The following EIF4EBP3 variants were observed in gnomAD, a reference collection of about 807,000 sequenced individuals.
EIF4EBP3 encodes eukaryotic translation initiation factor 4E binding protein 3.
Under a neutral mutation model 12.1 loss-of-function variants are expected in EIF4EBP3, and 11 were observed. That is an observed-to-expected ratio of 0.91 (90% CI 0.57 to 1.51). EIF4EBP3 has a LOEUF of 1.51. Ranked by LOEUF, EIF4EBP3 falls within the 40% of genes most tolerant of loss-of-function variation. EIF4EBP3 has a pLI of 0.00. For synonymous variants in EIF4EBP3, 43 were observed against 54.2 expected (o/e 0.79, Z 0.91); for missense variants, 136 against 131.8 (o/e 1.03, Z -0.16).
At chr5:140,549,106 C>G in intron 2 of EIF4EBP3, 30 bp downstream of exon 2, 1 of 1,613,904 alleles carries the variant, frequency 6.2e-7, no homozygotes, top group Non-Finnish European at 8.5e-7. Context: ...AGAATTGTCC[C>G]AGCCTTTGAG....
intron 1 of EIF4EBP3, among the ~76,000 whole-genome samples, chr5:140,548,686 C>T (rs540479104): frequency 9.8e-5 from 15 of 152,296 alleles, no homozygotes; most frequent in African/African-American, 3.6e-4. Flanking sequence ...GGATGCCCCC[C>T]TTGCTTTATA....
chr5:140,547,701 A>G lies in EIF4EBP3; in HGVS notation c.-37A>G. ...CTCAGAGCTGCGCTCCTCGACCTCA[A>G]CGCCAGGCGGTTACTTTGCTGCTCC... is the stretch of plus-strand genomic sequence containing the variant. On this transcript the variant is annotated 5_prime_UTR_variant, in exon 1 of 3. Coordinates refer to ENST00000310331, the MANE Select transcript of EIF4EBP3 (RefSeq NM_003732.3). 6.5e-7 allele frequency: 1 copy of G among 1,534,110 alleles called. No individual in the cohort carries two copies. The highest frequency in any genetic ancestry group is 1.2e-5 in the South Asian group (1 of 83,518).
chr5:140,549,396 G>A lies in EIF4EBP3; in HGVS notation c.*134G>A. 6.7e-7 allele frequency: 1 copy of A among 1,481,712 alleles called. No homozygotes were observed. Among genetic ancestry groups the A allele is most frequent in the South Asian group, 1.1e-5 (1 of 87,426 alleles). The allele number at this position is 1,481,712 out of a possible 1,614,324, so 91.8% of individuals were successfully genotyped here. On this transcript the variant is annotated 3_prime_UTR_variant, in exon 3 of 3. Transcript: ENST00000310331. ...GAAGGGAGTGACTTGTTAGTTCCAG[G>A]CCTCCTTTAGTTCTGAGGCAGCTAG...
chr5:140,549,146 G>C, intron 2 of EIF4EBP3, 70 bp downstream of exon 2: 3 of 1,614,178 alleles, frequency 1.9e-6, no homozygotes, highest in Non-Finnish European at 2.5e-6. Flanking sequence ...CAGTGCGGGG[G>C]TTCAGTTCCA....
chr5:140,547,758 C>T lies in EIF4EBP3; in HGVS notation c.21C>T (p.Cys7=). Residue 7 remains cysteine (C), a synonymous_variant, in exon 1 of 3, where the codon TGC becomes TGT. Transcript: ENST00000310331. ...TCGCTATGTCAACGTCCACTAGCTG[C>T]CCGATTCCCGGGGGCCGGGACCAGC... MSTSTS[C]PIPGGRDQLP... 6.5e-7 allele frequency: 1 copy of T among 1,545,024 alleles called. No homozygotes were observed. The highest frequency in any genetic ancestry group is 8.7e-7 in the Non-Finnish European group (1 of 1,143,806).
At chr5:140,547,905 C>T in intron 1 of EIF4EBP3, 65 bp downstream of exon 1, 18 of 1,140,898 alleles carry the variant, frequency 1.6e-5, no homozygotes, top group Non-Finnish European at 2.1e-5. Context: ...TGTTGCGGGG[C>T]GGGGGTAGGG....
At position 140,549,407 on chromosome 5, in the gene EIF4EBP3, TTC is replaced by T. The variant is rs1264463295; in HGVS notation, c.*147_*148del. 48 of 1,406,058 alleles carry T rather than the reference TTC, an allele frequency of 3.4e-5. No individual in the cohort carries two copies. The Middle Eastern group carries it at 1.3e-3, about 39-fold the overall frequency. The allele number at this position is 1,406,058 out of a possible 1,614,324, so 87.1% of individuals were successfully genotyped here. ...CTTGTTAGTTCCAGGCCTCCTTTAG[TTC>T]TGAGGCAGCTAGACCAGGGATAGGA... On this transcript the variant is annotated 3_prime_UTR_variant, in exon 3 of 3. Coordinates refer to ENST00000310331, the MANE Select transcript of EIF4EBP3 (RefSeq NM_003732.3).
intron 1 of EIF4EBP3, 146 bp from the exon 2 acceptor site, chr5:140,548,756 CCTAG>C (rs1192215684): frequency 1.7e-6 from 2 of 1,143,382 alleles, no homozygotes; most frequent in Non-Finnish European, 2.4e-6. Flanking sequence ...CTGCTGAGAA[CCTAG>C]CTGGGCTTCA....
chr5:140,549,365 A>T lies in EIF4EBP3; in HGVS notation c.*103A>T. The T allele has an allele frequency of 6.3e-7, 1 of 1,590,404 alleles. No individual in the cohort carries two copies. The highest frequency in any genetic ancestry group is 8.6e-7 in the Non-Finnish European group (1 of 1,159,812). On this transcript the variant is annotated 3_prime_UTR_variant, in exon 3 of 3. Transcript: ENST00000310331. Reference sequence around the variant, plus strand: ...ATCCAAAGGCCAGCTGGCCTCATCTAATCTGGAAGGGAGTGACTTGTTAGT... The same window carrying T: ...ATCCAAAGGCCAGCTGGCCTCATCTTATCTGGAAGGGAGTGACTTGTTAGT...
rs1051932137 is a variant in EIF4EBP3, at chr5:140,548,997, C to A, written c.195C>A (p.Pro65=). 5 of 1,613,992 alleles carry A rather than the reference C, an allele frequency of 3.1e-6. No individual in the cohort carries two copies. The East Asian group carries it at 1.1e-4, about 36-fold the overall frequency. ...RTPPCCLPQI[P]GVTTPPTAPL... ...CCCCCTGCTGCCTCCCTCAGATTCC[C>A]GGGGTCACAACTCCTCCAACAGCCC... The change falls in exon 2 of 3, where the codon CCC becomes CCA. Residue 65 remains proline, a synonymous_variant. Coordinates refer to ENST00000310331, the MANE Select transcript of EIF4EBP3 (RefSeq NM_003732.3).
intron 1 of EIF4EBP3, among the ~76,000 whole-genome samples, chr5:140,548,260 GC>G (rs1417807451): frequency 2.0e-5 from 3 of 152,356 alleles, no homozygotes; most frequent in Admixed American, 1.3e-4. Flanking sequence ...GTTTGGTTGG[GC>G]GAGCAGCCTG....
At position 140,549,413 on chromosome 5, in the gene EIF4EBP3, G is replaced by A. The variant is rs1754476229; in HGVS notation, c.*151G>A. 4.4e-6 allele frequency: 6 copies of A among 1,363,672 alleles called. No homozygotes were observed. Among genetic ancestry groups the A allele is most frequent in the Non-Finnish European group, 2.1e-6 (2 of 971,852 alleles). The allele number at this position is 1,363,672 out of a possible 1,614,324, so 84.5% of individuals were successfully genotyped here. On this transcript the variant is annotated 3_prime_UTR_variant, in exon 3 of 3. Transcript: ENST00000310331. ...AGTTCCAGGCCTCCTTTAGTTCTGAGGCAGCTAGACCAGGGATAGGAGTGG... is the reference window on the plus strand; with the variant it reads ...AGTTCCAGGCCTCCTTTAGTTCTGAAGCAGCTAGACCAGGGATAGGAGTGG...
chr5:140,548,992 A>G lies in EIF4EBP3; in HGVS notation c.190A>G (p.Ile64Val). 1 of 1,614,074 alleles carries G rather than the reference A, an allele frequency of 6.2e-7. No homozygotes were observed. The highest frequency in any genetic ancestry group is 8.5e-7 in the Non-Finnish European group (1 of 1,179,994). ...GACACCCCCCTGCTGCCTCCCTCAG[A>G]TTCCCGGGGTCACAACTCCTCCAAC... ...ARTPPCCLPQIPGVTTPPTAP... is the reference protein window; with the variant it reads ...ARTPPCCLPQVPGVTTPPTAP... Residue 64 changes from isoleucine (I) to valine (V), a missense_variant, in exon 2 of 3, where the codon ATT becomes GTT. By Grantham distance (29) the Ile-to-Val change is conservative. Transcript: ENST00000310331.
chr5:140,547,814 G>C lies in EIF4EBP3; in HGVS notation c.77G>C (p.Gly26Ala). 1 of 1,520,628 alleles carries C rather than the reference G, an allele frequency of 6.6e-7. No individual in the cohort carries two copies. The highest frequency in any genetic ancestry group is 8.8e-7 in the Non-Finnish European group (1 of 1,131,570). 94.2% of individuals were successfully genotyped at this position (1,520,628 alleles called of 1,614,324 possible). ...GACTGCTACAGCACCACGCCGGGGG[G>C]CACGCTATACGCCACTACCCCCGGA... ...LPDCYSTTPG[G>A]TLYATTPGGT... is the part of the protein sequence containing the mutation. Residue 26 changes from glycine to alanine, a missense_variant, in exon 1 of 3, where the codon GGC becomes GCC. Transcript: ENST00000310331.
chr5:140,548,794 G>A (rs1052124050), intron 1 of EIF4EBP3, 112 bp from the exon 2 acceptor site: 6 of 1,425,960 alleles, frequency 4.2e-6, no homozygotes, highest in Non-Finnish European at 4.7e-6. Flanking sequence ...TTGATACACA[G>A]GGAAATTTGA....
At position 140,547,807 on chromosome 5, in the gene EIF4EBP3, C is replaced by G; in HGVS notation, c.70C>G (p.Pro24Ala). ...GCTGCCCGACTGCTACAGCACCACGCCGGGGGGCACGCTATACGCCACTAC... is the reference window on the plus strand; with the variant it reads ...GCTGCCCGACTGCTACAGCACCACGGCGGGGGGCACGCTATACGCCACTAC... Reference protein sequence around the residue: ...DQLPDCYSTTPGGTLYATTPG... With the variant: ...DQLPDCYSTTAGGTLYATTPG... The change falls in exon 1 of 3, where the codon CCG (proline) becomes GCG (alanine). Residue 24 changes from proline to alanine, a missense_variant. By Grantham distance (27) the Pro-to-Ala change is conservative. Transcript: ENST00000310331. 6.6e-7 allele frequency: 1 copy of G among 1,525,654 alleles called. No homozygotes were observed. The highest frequency in any genetic ancestry group is 8.8e-7 in the Non-Finnish European group (1 of 1,134,108). The allele number at this position is 1,525,654 out of a possible 1,614,324, so 94.5% of individuals were successfully genotyped here.
In EIF4EBP3 at chr5:140,547,714, A is replaced by T. The variant is rs909536381; in HGVS notation, c.-24A>T. 7 of 1,543,162 alleles carry T rather than the reference A, an allele frequency of 4.5e-6. No individual in the cohort carries two copies. The African/African-American group carries it at 8.3e-5, about 18-fold the overall frequency. ...TCCTCGACCTCAACGCCAGGCGGTT[A>T]CTTTGCTGCTCCTCCCGCTCGCTAT... On this transcript the variant is annotated 5_prime_UTR_variant, in exon 1 of 3. Transcript: ENST00000310331.
In EIF4EBP3 at chr5:140,547,708, GCGGT is replaced by G. The variant is rs1405850278; in HGVS notation, c.-29_-26del. On this transcript the variant is annotated 5_prime_UTR_variant, in exon 1 of 3. Coordinates refer to ENST00000310331, the MANE Select transcript of EIF4EBP3 (RefSeq NM_003732.3). ...CTGCGCTCCTCGACCTCAACGCCAGGCGGTTACTTTGCTGCTCCTCCCGCTCGCT... is the reference window on the plus strand; with the variant it reads ...CTGCGCTCCTCGACCTCAACGCCAGGTACTTTGCTGCTCCTCCCGCTCGCT... 8 of 1,539,790 alleles carry G rather than the reference GCGGT, an allele frequency of 5.2e-6. No individual in the cohort carries two copies. In the Admixed American group the frequency reaches 1.6e-4, roughly 31 times the overall value.
rs1754462441 is a variant in EIF4EBP3, at chr5:140,549,028, T to C, written c.226T>C (p.Ser76Pro). The C allele has an allele frequency of 3.7e-6, 6 of 1,613,858 alleles. No homozygotes were observed. The highest frequency in any genetic ancestry group is 4.5e-5 in the East Asian group (2 of 44,890). ...GVTTPPTAPL[S>P]KLEELKEQET... ...CACAACTCCTCCAACAGCCCCTCTC[T>C]CCAAGCTGGAGGAGCTGAAGGAGCA... Residue 76 changes from serine to proline, a missense_variant, in exon 2 of 3, where the codon TCC becomes CCC. By Grantham distance (74) the Ser-to-Pro change is moderately conservative (BLOSUM62 -1). Coordinates refer to ENST00000310331, the MANE Select transcript of EIF4EBP3 (RefSeq NM_003732.3).
Sources: gnomAD v4.1 joint callset for allele counts (sites outside exome capture counted in the v4.1 genomes callset) on GRCh38, gnomAD v4.1.1 for gene constraint, MANE v1.5 for transcripts, NCBI Gene and HGNC (gene_info 2026-07-23, HGNC 2026-07-21) for gene names.